The following FAM120C variants were observed in gnomAD, a reference collection of about 807,000 sequenced individuals.
The protein encoded by FAM120C is constitutive coactivator of PPAR-gamma-like protein 2.
In FAM120C, 14 loss-of-function variants were observed where a neutral mutation model predicts 71.2. That is an observed-to-expected ratio of 0.20 (90% CI 0.13 to 0.31). The LOEUF (loss-of-function observed/expected upper bound fraction) is 0.31. Ranked by LOEUF, FAM120C falls within the 10% of genes least tolerant of loss-of-function variation. The pLI is 1.00. For synonymous variants in FAM120C, 354 were observed against 353.2 expected, an observed-to-expected ratio of 1.00 and a Z score of -0.03; for missense variants, 500 against 879.0, an observed-to-expected ratio of 0.57 and a Z score of 5.45.
chrX:54,143,870 T>C (rs1294379540), intron 4 of FAM120C, among the ~76,000 whole-genome samples: 1 of 111,570 alleles, frequency 9.0e-6, no homozygotes, highest in Non-Finnish European at 1.9e-5. Flanking sequence ...AAAAAAAGAA[T>C]TTTAGACCAA....
chrX:54,118,278 T>A (rs1309033942), intron 9 of FAM120C, among the ~76,000 whole-genome samples: 1 of 110,158 alleles, frequency 9.1e-6, no homozygotes, highest in African/African-American at 3.3e-5. Context: ...TTAAGATCCA[T>A]CCATGTTGCT....
intron 4 of FAM120C, chrX:54,147,237 A>G (rs1557132498): frequency 9.0e-6 from 1 of 110,935 alleles, no homozygotes; most frequent in East Asian, 2.8e-4. Context: ...TAATCGCTTG[A>G]AGCAAGGACG....
intron 2 of FAM120C, 88 bp downstream of exon 2, chrX:54,159,282 A>G: frequency 9.2e-7 from 1 of 1,083,560 alleles, no homozygotes; most frequent in Middle Eastern, 2.6e-4. Context: ...AAATCTAATG[A>G]TGACAGGCTA....
At chrX:54,128,679 C>T (rs781808991) in intron 9 of FAM120C, among the ~76,000 whole-genome samples, 5 of 111,351 alleles carry the variant, frequency 4.5e-5, no homozygotes, top group African/African-American at 9.8e-5. Context: ...TGACTCTTAA[C>T]GAGCATGCTG....
At chrX:54,166,961 G>GA (rs1215795367) in intron 1 of FAM120C, among the ~76,000 whole-genome samples, 8 of 105,031 alleles carry the variant, frequency 7.6e-5, no homozygotes, top group East Asian at 3.0e-4. Flanking sequence ...CATATTCAGG[G>GA]AAAAAAAAAA....
At chrX:54,107,890 T>C (rs1434082080) in intron 10 of FAM120C, among the ~76,000 whole-genome samples, 1 of 95,355 alleles carries the variant, frequency 1.0e-5, no homozygotes, top group African/African-American at 3.9e-5. Flanking sequence ...GAAATTAGTA[T>C]ATATTGGGGA....
chrX:54,106,048 GA>G (rs1166472623), intron 10 of FAM120C, among the ~76,000 whole-genome samples: 1 of 111,474 alleles, frequency 9.0e-6, no homozygotes, highest in Admixed American at 9.6e-5. Context: ...CACAGAATTG[GA>G]AAAAAACTAC....
chrX:54,106,211 G>C (rs2066906385), intron 10 of FAM120C, among the ~76,000 whole-genome samples: 1 of 111,576 alleles, frequency 9.0e-6, no homozygotes, highest in Admixed American at 9.7e-5. Context: ...CCAAAACAGA[G>C]ATATAGATCA....
Position 54,182,872 on chromosome X carries a change from C to T in FAM120C, c.327G>A (p.Pro109=). Residue 109 remains proline (P), a synonymous_variant, in exon 1 of 16, where the codon CCG becomes CCA. Transcript: ENST00000375180. ...CCCGGGCCCCGGGCAGCTGAGGGGGCGGCGGCGGCGGCAGCGGAGGGTGCA... is the reference window on the plus strand; with the variant it reads ...CCCGGGCCCCGGGCAGCTGAGGGGGTGGCGGCGGCGGCAGCGGAGGGTGCA... ...PGLHPPLPPP[P]PPQLPGARVL... The T allele has an allele frequency of 9.0e-7, 1 of 1,113,777 alleles. No individual in the cohort carries two copies. The highest frequency in any genetic ancestry group is 1.2e-6 in the Non-Finnish European group (1 of 844,828). The allele number at this position is 1,113,777 out of a possible 1,213,427, so 91.8% of individuals were successfully genotyped here. A position where few individuals can be genotyped will look rare whatever the true frequency, so the allele number is the denominator to read the frequency against.
intron 15 of FAM120C, among the ~76,000 whole-genome samples, chrX:54,076,053 C>T (rs1476081459): frequency 3.7e-5 from 4 of 108,421 alleles, no homozygotes; most frequent in South Asian, 4.0e-4. Flanking sequence ...GCAGAGGTTG[C>T]GGTGAGCCAA....
chrX:54,138,562 C>G (rs1248204644), intron 4 of FAM120C, among the ~76,000 whole-genome samples: 1 of 107,194 alleles, frequency 9.3e-6, no homozygotes, highest in East Asian at 2.9e-4. Context: ...TGCAGTGGCT[C>G]ACACCTGTAA....
At chrX:54,093,286 A>G (rs1363250004) in intron 10 of FAM120C, among the ~76,000 whole-genome samples, 1 of 111,917 alleles carries the variant, frequency 8.9e-6, no homozygotes, top group Non-Finnish European at 1.9e-5. Context: ...GACCTAAAGG[A>G]GCTCCTAAAG....
At chrX:54,096,218 G>A (rs1281245312) in intron 10 of FAM120C, among the ~76,000 whole-genome samples, 1 of 108,647 alleles carries the variant, frequency 9.2e-6, no homozygotes, top group Non-Finnish European at 1.9e-5. Context: ...TTAGGCCAGC[G>A]TGACCAACAT....
At chrX:54,126,475 C>T (rs1471552392) in intron 9 of FAM120C, among the ~76,000 whole-genome samples, 3 of 111,816 alleles carry the variant, frequency 2.7e-5, no homozygotes, top group African/African-American at 9.7e-5. Flanking sequence ...GCAGGGCCTA[C>T]CTACTGTGGG....
intron 1 of FAM120C, among the ~76,000 whole-genome samples, chrX:54,173,176 G>C (rs1191916842): frequency 8.9e-6 from 1 of 112,524 alleles, no homozygotes; most frequent in Non-Finnish European, 1.9e-5. Flanking sequence ...TCTGTATCTA[G>C]AAATATAGCC....
At chrX:54,159,761 CTTT>C (rs782661576) in intron 1 of FAM120C, 145 bp from the exon 2 acceptor site, 1,534 of 340,446 alleles carry the variant, frequency 4.5e-3, no homozygotes, top group Middle Eastern at 9.4e-3. Context: ...ACATTTTTTA[CTTT>C]TTTTTTTTTT....
chrX:54,146,537 C>G (rs1367501502), intron 4 of FAM120C, among the ~76,000 whole-genome samples: 1 of 110,427 alleles, frequency 9.1e-6, no homozygotes, highest in Non-Finnish European at 1.9e-5. Flanking sequence ...AAAAATTAGC[C>G]AGGCATGGTG....
At chrX:54,080,436 G>T (rs1481577843) in intron 14 of FAM120C, 147 bp from the exon 15 acceptor site, 3 of 477,692 alleles carry the variant, frequency 6.3e-6, no homozygotes, top group African/African-American at 4.8e-5. Context: ...CATCTATCTT[G>T]GTCATTCCTA....
chrX:54,179,106 TTTAC>T (rs2067334030), intron 1 of FAM120C, among the ~76,000 whole-genome samples: 2 of 111,988 alleles, frequency 1.8e-5, no homozygotes, highest in African/African-American at 6.5e-5. Context: ...AATTTGTGGG[TTTAC>T]TTAATTTTCC....
Sources: allele counts gnomAD v4.1 joint callset (sites outside exome capture counted in the v4.1 genomes callset), GRCh38; gene constraint gnomAD v4.1.1; transcripts MANE v1.5; gene names NCBI Gene and HGNC (gene_info 2026-07-23, HGNC 2026-07-21).